The following MAML2 variants were observed in gnomAD, a reference collection of about 807,000 sequenced individuals.
MAML2 encodes mastermind like transcriptional coactivator 2.
MAML2 carries 22 observed loss-of-function variants against 96.1 expected under a neutral mutation model. The ratio of observed to expected loss-of-function variants is 0.23; its 90% CI spans 0.16 to 0.33. The LOEUF is 0.33. Among genes scored for constraint, MAML2 ranks in the 10% least tolerant of loss-of-function variants. MAML2 has a pLI of 1.00. For synonymous variants in MAML2, 561 were observed against 521.3 expected (o/e 1.08, Z -1.04); for missense variants, 1,367 against 1,392.4 (o/e 0.98, Z 0.29).
intron 1 of MAML2, among the ~76,000 whole-genome samples, chr11:96,334,844 A>G (rs947343211): frequency 3.9e-5 from 6 of 152,338 alleles, no homozygotes; most frequent in Non-Finnish European, 5.9e-5. Context: ...GCCCATTTTC[A>G]TATCCATTCC....
chr11:96,115,763 A>G (rs929174012), intron 1 of MAML2, among the ~76,000 whole-genome samples: 1 of 152,136 alleles, frequency 6.6e-6, no homozygotes, highest in Non-Finnish European at 1.5e-5. Context: ...GTTCTGTTTT[A>G]TAGGATGGTC....
intron 1 of MAML2, among the ~76,000 whole-genome samples, chr11:96,200,408 A>G (rs1394962388): frequency 1.3e-5 from 2 of 152,182 alleles, no homozygotes; most frequent in Non-Finnish European, 2.9e-5. Flanking sequence ...TTCTTCTAAC[A>G]AGCTATTAGT....
intron 2 of MAML2, among the ~76,000 whole-genome samples, chr11:96,069,411 C>G (rs148188160): frequency 6.6e-6 from 1 of 152,148 alleles, no homozygotes; most frequent in East Asian, 1.9e-4. Flanking sequence ...AGGTGGCTCA[C>G]GCCTGTAATC....
In MAML2 at chr11:96,227,188, C is replaced by A. The variant is rs1044791494; in HGVS notation, c.513+114195G>T. 4.3e-4 allele frequency among the ~76,000 whole-genome samples: 66 copies of A among 152,310 alleles called. 1 individual carries two copies. The highest frequency in any genetic ancestry group is 1.5e-3 in the African/African-American group (64 of 41,560). ...GTGCCCCTTTCTTCGGGAAGTTCTC[C>A]TTGACTCCCTAAAATTATATCAAGT... On this transcript the variant is annotated intron_variant, in intron 1 of 4. Coordinates refer to ENST00000524717, the MANE Select transcript of MAML2 (RefSeq NM_032427.4).
In MAML2 at chr11:96,058,968, G is replaced by T. The variant is rs561100260; in HGVS notation, c.2139+32924C>A. ...ATGGTGGTGCACACCTATAATCCCA[G>T]CTACTTGGGAGGCTGAGGCACGAGA... On this transcript the variant is annotated intron_variant, in intron 2 of 4. Coordinates refer to ENST00000524717, the MANE Select transcript of MAML2 (RefSeq NM_032427.4). Among the ~76,000 whole-genome samples, 19 of 152,316 alleles carry T rather than the reference G, an allele frequency of 1.2e-4. No individual in the cohort carries two copies. In the South Asian group the frequency reaches 2.3e-3, roughly 18 times the overall value.
intron 2 of MAML2, among the ~76,000 whole-genome samples, chr11:96,056,727 T>C (rs913396803): frequency 2.0e-5 from 3 of 152,254 alleles, no homozygotes; most frequent in African/African-American, 7.2e-5. Context: ...TCTTTGTTCA[T>C]TCACAAGTCT....
intron 2 of MAML2, among the ~76,000 whole-genome samples, chr11:96,052,361 T>C (rs1380497506): frequency 6.7e-6 from 1 of 150,322 alleles, no homozygotes; most frequent in African/African-American, 2.5e-5. Context: ...TCTCCAGTTC[T>C]TACTCCCCAG....
intron 1 of MAML2, among the ~76,000 whole-genome samples, chr11:96,132,812 GTTACAGTTCTCA>G: frequency 6.6e-6 from 1 of 152,312 alleles, no homozygotes; most frequent in Admixed American, 6.5e-5. Context: ...ACTGCTGTAT[GTTACAGTTCTCA>G]TTGTAAAAGT....
intron 1 of MAML2, among the ~76,000 whole-genome samples, chr11:96,321,511 C>G (rs2136011263): frequency 6.6e-6 from 1 of 152,266 alleles, no homozygotes; most frequent in East Asian, 1.9e-4. Flanking sequence ...TCTGTAGATT[C>G]TTTTTCAAGG....
intron 2 of MAML2, among the ~76,000 whole-genome samples, chr11:96,030,841 C>G (rs1307265125): frequency 2.0e-5 from 3 of 152,176 alleles, no homozygotes; most frequent in Non-Finnish European, 2.9e-5. Flanking sequence ...AAGGCTACAT[C>G]AAGATCCCAA....
intron 1 of MAML2, among the ~76,000 whole-genome samples, chr11:96,173,751 G>A (rs150326072): frequency 9.9e-4 from 151 of 152,270 alleles, no homozygotes; most frequent in African/African-American, 3.4e-3. Context: ...CTTTGTCTTC[G>A]TTTCTTCTCT....
rs188034487 is a variant in MAML2 at position 96,055,241 on chromosome 11, C to T, written c.2139+36651G>A. Among the ~76,000 whole-genome samples, 4 of 152,278 alleles carry T rather than the reference C, an allele frequency of 2.6e-5. No individual in the cohort carries two copies. The East Asian group carries it at 7.7e-4, about 29-fold the overall frequency. On this transcript the variant is annotated intron_variant, in intron 2 of 4. Coordinates refer to ENST00000524717, the MANE Select transcript of MAML2 (RefSeq NM_032427.4). ...CTTCTCTCTTGCCATGCCCATGGCA[C>T]TACCATGGACGCCTAAGAAAACCTC...
rs537950828 is a variant in MAML2 at position 96,134,886 on chromosome 11, T to C, written c.514-41369A>G. Among the ~76,000 whole-genome samples, 6 of 152,376 alleles carry C rather than the reference T, an allele frequency of 3.9e-5. 1 individual carries two copies. In the South Asian group the frequency reaches 1.0e-3, roughly 26 times the overall value. On this transcript the variant is annotated intron_variant, in intron 1 of 4. Transcript: ENST00000524717. The stretch of plus-strand genomic sequence containing the variant: ...CCTTCTAAAAGTCGAGTTGCAGGCA[T>C]GTGTAGGGCATTACATCCAGAGCTT...
intron 1 of MAML2, among the ~76,000 whole-genome samples, chr11:96,335,394 G>C (rs1863907932): frequency 6.6e-6 from 1 of 152,166 alleles, no homozygotes; most frequent in Non-Finnish European, 1.5e-5. Context: ...GGCATTTCTT[G>C]TTTGCACTGG....
chr11:96,152,647 C>T lies in MAML2; in HGVS notation c.514-59130G>A, dbSNP rs1225974739. Reference sequence around the variant, plus strand: ...CATGAACACATTTACCAGAAATATTCCTTAGAGCCAATTTGTATAAAGCAA... The same window carrying T: ...CATGAACACATTTACCAGAAATATTTCTTAGAGCCAATTTGTATAAAGCAA... On this transcript the variant is annotated intron_variant, in intron 1 of 4. Transcript: ENST00000524717. 2.6e-5 allele frequency among the ~76,000 whole-genome samples: 4 copies of T among 152,162 alleles called. No homozygotes were observed. The East Asian group carries it at 7.7e-4, about 29-fold the overall frequency.
At chr11:96,159,512 G>C (rs1316867238) in intron 1 of MAML2, among the ~76,000 whole-genome samples, 1 of 4,704 alleles carries the variant, frequency 2.1e-4, no homozygotes, top group Admixed American at 5.7e-3. Flanking sequence ...GCGAGCTCCG[G>C]CCTCCCGGGT....
At chr11:96,191,281 C>G (rs191126735) in intron 1 of MAML2, among the ~76,000 whole-genome samples, 1 of 151,690 alleles carries the variant, frequency 6.6e-6, no homozygotes, top group Non-Finnish European at 1.5e-5. Flanking sequence ...CTGACCAACA[C>G]GGTGAAACCC....
At chr11:96,310,614 G>A (rs1405993244) in intron 1 of MAML2, among the ~76,000 whole-genome samples, 3 of 152,180 alleles carry the variant, frequency 2.0e-5, no homozygotes, top group African/African-American at 4.8e-5. Context: ...CCTTAGGTTG[G>A]CAATACTGTG....
intron 1 of MAML2, among the ~76,000 whole-genome samples, chr11:96,318,065 A>G: frequency 6.6e-6 from 1 of 152,210 alleles, no homozygotes; most frequent in East Asian, 1.9e-4. Flanking sequence ...TATCTTGGAT[A>G]TTTTGGGTTG....
Sources: allele counts gnomAD v4.1 joint callset (sites outside exome capture counted in the v4.1 genomes callset), GRCh38; gene constraint gnomAD v4.1.1; transcripts MANE v1.5; gene names NCBI Gene and HGNC (gene_info 2026-07-23, HGNC 2026-07-21).